The following FAM20B variants were observed in gnomAD, a reference collection of about 807,000 sequenced individuals.
FAM20B encodes the protein FAM20B glycosaminoglycan xylosylkinase, also known as glycosaminoglycan xylosylkinase.
In FAM20B, 23 loss-of-function variants were observed where a neutral mutation model predicts 43.8. The observed-to-expected ratio is 0.53, with a 90% CI of 0.38 to 0.74. The LOEUF is 0.74. Ranked by LOEUF, FAM20B falls within the 30% of genes least tolerant of loss-of-function variation. The pLI, the probability that FAM20B is intolerant of heterozygous loss-of-function variation, is 0.00. For missense variants in FAM20B, 440 were observed against 510.5 expected (o/e 0.86, Z 1.33); for synonymous variants, 178 against 192.4 (o/e 0.93, Z 0.62).
At position 179,028,549 on chromosome 1, in the gene FAM20B, T is replaced by G. The variant is rs140817552; in HGVS notation, c.-134+2451T>G. 2.3e-3 allele frequency among the ~76,000 whole-genome samples: 351 copies of G among 152,328 alleles called. 2 individuals carry two copies. The highest frequency in any genetic ancestry group is 8.0e-3 in the African/African-American group (334 of 41,572). ...GTGAGCTGAGATTGCACCACTGCACTCCAGACTGCTGACAGTGAGACTCCG... is the reference window on the plus strand; with the variant it reads ...GTGAGCTGAGATTGCACCACTGCACGCCAGACTGCTGACAGTGAGACTCCG... On this transcript the variant is annotated intron_variant, in intron 1 of 7. Transcript: ENST00000263733.
At chr1:179,046,122 A>G (rs902190501) in intron 2 of FAM20B, among the ~76,000 whole-genome samples, 1 of 152,222 alleles carries the variant, frequency 6.6e-6, no homozygotes, top group Non-Finnish European at 1.5e-5. Flanking sequence ...CCTCACATCA[A>G]TCAGTGGTAC....
intron 1 of FAM20B, among the ~76,000 whole-genome samples, 187 bp downstream of exon 1, chr1:179,026,285 G>T (rs1440326432): frequency 2.0e-5 from 3 of 151,572 alleles, no homozygotes; most frequent in Admixed American, 1.3e-4. Context: ...AGTGGCTGCG[G>T]GCGGGTCCCG....
intron 1 of FAM20B, among the ~76,000 whole-genome samples, chr1:179,027,049 C>T (rs1388443161): frequency 6.6e-6 from 1 of 152,192 alleles, no homozygotes; most frequent in Non-Finnish European, 1.5e-5. Context: ...GCTATTGCGA[C>T]TTGGGTCTAG....
chr1:179,065,612 G>A (rs967212092), intron 6 of FAM20B, among the ~76,000 whole-genome samples: 8 of 152,120 alleles, frequency 5.3e-5, no homozygotes, highest in Non-Finnish European at 8.8e-5. Context: ...AACACCAGGC[G>A]CCTCATGCTT....
At position 179,032,313 on chromosome 1, in the gene FAM20B, C is replaced by CTTTTTTTTT. The variant is rs547439601; in HGVS notation, c.-134+6233_-134+6241dup. Among the ~76,000 whole-genome samples the CTTTTTTTTT allele has an allele frequency of 4.5e-5, 5 of 111,936 alleles. 2 individuals carry two copies. The highest frequency in any genetic ancestry group is 9.4e-5 in the African/African-American group (3 of 32,024). 73.4% of individuals were successfully genotyped at this position (111,936 alleles called of 152,430 possible). The stretch of plus-strand genomic sequence containing the variant: ...GCACAACACATGTAGAGGTCTCATT[C>CTTTTTTTTT]TTTTTTTTTTTTTTTTTTTTTTTTT... On this transcript the variant is annotated intron_variant, in intron 1 of 7. Transcript: ENST00000263733.
At chr1:179,038,068 G>A (rs1557867829) in intron 1 of FAM20B, among the ~76,000 whole-genome samples, 1 of 152,150 alleles carries the variant, frequency 6.6e-6, no homozygotes, top group Non-Finnish European at 1.5e-5. Context: ...TATATAGCAC[G>A]AGGGGGAGGA....
At chr1:179,069,353 A>T (rs1457669507) in intron 7 of FAM20B, among the ~76,000 whole-genome samples, 1 of 152,076 alleles carries the variant, frequency 6.6e-6, no homozygotes, top group Non-Finnish European at 1.5e-5. Context: ...GTAGCAGAGC[A>T]CATTTTGTTT....
chr1:179,023,235 A>G (rs1192323591), upstream of FAM20B, among the ~76,000 whole-genome samples: 2 of 152,148 alleles, frequency 1.3e-5, no homozygotes, highest in Non-Finnish European at 2.9e-5. Flanking sequence ...CCTTGGCTGG[A>G]GGGGGACAGC....
chr1:179,025,057 A>AC, upstream of FAM20B, among the ~76,000 whole-genome samples: 1 of 152,324 alleles, frequency 6.6e-6, no homozygotes, highest in East Asian at 1.9e-4. Flanking sequence ...AGGGTCAGGC[A>AC]CACTAAGTTT....
chr1:179,054,522 A>G lies in FAM20B; in HGVS notation c.465-7A>G. The G allele has an allele frequency of 3.8e-6, 6 of 1,594,090 alleles. No homozygotes were observed. Among genetic ancestry groups the G allele is most frequent in the Non-Finnish European group, 5.2e-6 (6 of 1,162,494 alleles). Reference sequence around the variant, plus strand: ...TTTCTCTTCTGTTCTTCAATCTTCCAAACCAGGATTCTGGGTTTCCACCGA... The same window carrying G: ...TTTCTCTTCTGTTCTTCAATCTTCCGAACCAGGATTCTGGGTTTCCACCGA... On this transcript the variant is annotated splice_region_variant and splice_polypyrimidine_tract_variant and intron_variant, in intron 3 of 7. Transcript: ENST00000263733.
At chr1:179,046,583 C>T (rs974666660) in intron 2 of FAM20B, among the ~76,000 whole-genome samples, 1 of 151,906 alleles carries the variant, frequency 6.6e-6, no homozygotes, top group Non-Finnish European at 1.5e-5. Context: ...ACCTGGGAGG[C>T]GAAGGTTGCG....
chr1:179,074,095 T>C lies in FAM20B; in HGVS notation c.*1951T>C, dbSNP rs1447670737. ...TGCCCAGTTTTCTTGCATTGAAAGA[T>C]AACTGAGTAATAACCTGTAACTATT... On this transcript the variant is annotated 3_prime_UTR_variant, in exon 8 of 8. Transcript: ENST00000263733. 7 of 152,800 alleles carry C rather than the reference T, an allele frequency of 4.6e-5. No homozygotes were observed. In the East Asian group the frequency reaches 9.6e-4, roughly 21 times the overall value. The allele number at this position is 152,800 out of a possible 1,614,324, so 9.5% of individuals were successfully genotyped here.
chr1:179,070,515 CTTTTTTTTTTT>C (rs61169246), intron 7 of FAM20B, among the ~76,000 whole-genome samples: 6 of 57,754 alleles, frequency 1.0e-4, no homozygotes, highest in Admixed American at 1.8e-4. Context: ...CTGAACTCGC[CTTTTTTTTTTT>C]TTTTTTTTTT....
rs1419580080 is a variant in FAM20B, at chr1:179,074,538, C to T, written c.*2394C>T. The T allele has an allele frequency of 6.6e-6, 1 of 152,160 alleles. No individual in the cohort carries two copies. The highest frequency in any genetic ancestry group is 1.5e-5 in the Non-Finnish European group (1 of 68,034). The allele number at this position is 152,160 out of a possible 1,614,324, so 9.4% of individuals were successfully genotyped here. A position where few individuals can be genotyped will look rare whatever the true frequency, so the allele number is the denominator to read the frequency against. On this transcript the variant is annotated 3_prime_UTR_variant, in exon 8 of 8. Transcript: ENST00000263733. ...ACTGGGAACTTCATAACATTGAAGG[C>T]AGAAGATTCTGCTAAGGAAAAAAGC...
In FAM20B at chr1:179,064,363, G is replaced by A; in HGVS notation, c.805G>A (p.Gly269Ser). 6.2e-7 allele frequency: 1 copy of A among 1,614,132 alleles called. No homozygotes were observed. Among genetic ancestry groups the A allele is most frequent in the Non-Finnish European group, 8.5e-7 (1 of 1,180,004 alleles). The change falls in exon 6 of 8, where the codon GGC becomes AGC. Residue 269 changes from glycine (G) to serine (S), a missense_variant. Coordinates refer to ENST00000263733, the MANE Select transcript of FAM20B (RefSeq NM_014864.4). ...GAAGAAAACGTCCCCTTATGACTCT[G>A]GCCCGCGCCTCTTGGACATCATTGA... ...AVKKTSPYDS[G>S]PRLLDIIDTA...
At chr1:179,045,637 G>A (rs1297266213) in intron 2 of FAM20B, among the ~76,000 whole-genome samples, 2 of 152,196 alleles carry the variant, frequency 1.3e-5, no homozygotes, top group Non-Finnish European at 2.9e-5. Flanking sequence ...GGGCGTGATG[G>A]CTCATGCCTG....
intron 1 of FAM20B, among the ~76,000 whole-genome samples, chr1:179,034,544 C>T (rs573428479): frequency 3.9e-5 from 6 of 152,306 alleles, no homozygotes; most frequent in Middle Eastern, 3.4e-3. Context: ...CCTGACTCCA[C>T]CTCTTGATAG....
chr1:179,054,234 A>G (rs757080633), intron 3 of FAM20B, among the ~76,000 whole-genome samples: 22 of 151,966 alleles, frequency 1.4e-4, no homozygotes, highest in Middle Eastern at 3.4e-3. Context: ...AAAAATTTCT[A>G]TCATACAAAA....
At chr1:179,046,808 G>A (rs1650792725) in intron 2 of FAM20B, among the ~76,000 whole-genome samples, 1 of 152,088 alleles carries the variant, frequency 6.6e-6, no homozygotes, top group Non-Finnish European at 1.5e-5. Context: ...TTCGAGACCA[G>A]CCTGGCTAAC....
Sources: allele counts gnomAD v4.1 joint callset (sites outside exome capture counted in the v4.1 genomes callset), GRCh38; gene constraint gnomAD v4.1.1; transcripts MANE v1.5; gene names NCBI Gene and HGNC (gene_info 2026-07-23, HGNC 2026-07-21).